The following RFX3 variants were observed in gnomAD, a reference collection of about 807,000 sequenced individuals.
The protein encoded by RFX3 is regulatory factor X3, also known as transcription factor RFX3.
In RFX3, 14 loss-of-function variants were observed where a neutral mutation model predicts 98.6. That is an observed-to-expected ratio of 0.14 (90% CI 0.09 to 0.22). The LOEUF is 0.22. Ranked by LOEUF, RFX3 falls within the 10% of genes least tolerant of loss-of-function variation. The probability of loss-of-function intolerance (pLI) is 1.00; values close to 1 mark genes in which losing one functional copy is unlikely to be tolerated. For missense variants in RFX3, 639 were observed against 926.9 expected (o/e 0.69, Z 4.03); for synonymous variants, 383 against 328.4 (o/e 1.17, Z -1.80).
chr9:3,334,085 C>A (rs1227327361), intron 3 of RFX3, among the ~76,000 whole-genome samples: 1 of 151,986 alleles, frequency 6.6e-6, no homozygotes. Context: ...ATATTCTCAA[C>A]CATTATGTCA....
At chr9:3,233,048 A>C (rs1478136972) in intron 15 of RFX3, among the ~76,000 whole-genome samples, 1 of 152,232 alleles carries the variant, frequency 6.6e-6, no homozygotes, top group Non-Finnish European at 1.5e-5. Context: ...CTATTGTTTG[A>C]GAGAAGAAAT....
intron 1 of RFX3, among the ~76,000 whole-genome samples, chr9:3,423,457 A>G (rs1587620031): frequency 6.6e-6 from 1 of 152,212 alleles, no homozygotes; most frequent in Admixed American, 6.5e-5. Context: ...AAAAAGAACT[A>G]TTCATATGCT....
At chr9:3,469,236 T>C (rs1186431550) in intron 1 of RFX3, 2 of 453,542 alleles carry the variant, frequency 4.4e-6, no homozygotes, top group South Asian at 3.1e-5. Context: ...TTGTGTTCAA[T>C]GTAGGAACAC....
At chr9:3,287,626 T>C (rs1432660735) in intron 7 of RFX3, among the ~76,000 whole-genome samples, 5 of 151,962 alleles carry the variant, frequency 3.3e-5, no homozygotes, top group Non-Finnish European at 5.9e-5. Context: ...CATACGTCCA[T>C]CCATCCATCA....
rs1297717092 is a variant in RFX3 at position 3,374,231 on chromosome 9, G to GT, written c.117+21240dup. 2.0e-5 allele frequency among the ~76,000 whole-genome samples: 3 copies of GT among 152,326 alleles called. No homozygotes were observed. The East Asian group carries it at 5.8e-4, about 29-fold the overall frequency. ...ACCCTTGCGCTCTGTTGGTGGGGAT[G>GT]TGAAATGGTATAGCTGTTATGGAAA... On this transcript the variant is annotated intron_variant, in intron 2 of 16. Transcript: ENST00000617270.
At chr9:3,409,521 G>C (rs1207265808) in intron 1 of RFX3, among the ~76,000 whole-genome samples, 1 of 152,122 alleles carries the variant, frequency 6.6e-6, no homozygotes, top group African/African-American at 2.4e-5. Flanking sequence ...AAAAACTTTT[G>C]CAGCTATTCT....
chr9:3,390,888 C>A lies in RFX3; in HGVS notation c.117+4584G>T, dbSNP rs536282011. Reference sequence around the variant, plus strand: ...TTACTAGCATGAAAATGGACTAATACACTCATCATTCTAGTATATTAGGTT... The same window carrying A: ...TTACTAGCATGAAAATGGACTAATAAACTCATCATTCTAGTATATTAGGTT... On this transcript the variant is annotated intron_variant, in intron 2 of 16. Transcript: ENST00000617270. Among the ~76,000 whole-genome samples, 17 of 152,248 alleles carry A rather than the reference C, an allele frequency of 1.1e-4. No individual in the cohort carries two copies. The South Asian group carries it at 2.5e-3, about 22-fold the overall frequency.
intron 3 of RFX3, among the ~76,000 whole-genome samples, chr9:3,340,199 T>C (rs1385971380): frequency 1.3e-5 from 2 of 152,182 alleles, no homozygotes; most frequent in African/African-American, 4.8e-5. Context: ...CGGCTAGCCA[T>C]ATGTAGAAAG....
intron 1 of RFX3, among the ~76,000 whole-genome samples, chr9:3,436,567 T>G (rs1340567273): frequency 9.9e-5 from 15 of 152,122 alleles, no homozygotes; most frequent in Non-Finnish European, 2.1e-4. Flanking sequence ...AGCAAAACAT[T>G]TGTCATCAAT....
intron 1 of RFX3, among the ~76,000 whole-genome samples, chr9:3,484,901 T>C (rs896710102): frequency 4.7e-5 from 7 of 147,670 alleles, no homozygotes; most frequent in African/African-American, 1.3e-4. Context: ...CTGAGCAACA[T>C]AGGGAGACAC....
At chr9:3,428,312 G>C (rs1474138936) in intron 1 of RFX3, among the ~76,000 whole-genome samples, 1 of 151,918 alleles carries the variant, frequency 6.6e-6, no homozygotes, top group Non-Finnish European at 1.5e-5. Context: ...TAATTTATCA[G>C]CTTGAGTTGA....
chr9:3,261,820 T>C (rs1054211684), intron 13 of RFX3, among the ~76,000 whole-genome samples: 1 of 152,168 alleles, frequency 6.6e-6, no homozygotes, highest in African/African-American at 2.4e-5. Flanking sequence ...TGTTATTATA[T>C]GTCTTTTTGC....
At chr9:3,346,968 T>C (rs1247000511) in intron 2 of RFX3, among the ~76,000 whole-genome samples, 1 of 152,232 alleles carries the variant, frequency 6.6e-6, no homozygotes, top group East Asian at 1.9e-4. Flanking sequence ...GAATAAATTC[T>C]GTAACTTCCC....
chr9:3,374,370 T>C (rs1838212999), intron 2 of RFX3, among the ~76,000 whole-genome samples: 1 of 152,174 alleles, frequency 6.6e-6, no homozygotes, highest in East Asian at 1.9e-4. Flanking sequence ...GAGATATTTG[T>C]ACAGCCCATT....
chr9:3,237,969 T>C (rs1166235000), intron 15 of RFX3, among the ~76,000 whole-genome samples: 1 of 139,512 alleles, frequency 7.2e-6, no homozygotes, highest in African/African-American at 2.8e-5. Flanking sequence ...CAAGACCCTG[T>C]CTCAAAAAAA....
At chr9:3,248,411 T>C (rs955972988) in intron 14 of RFX3, among the ~76,000 whole-genome samples, 1 of 152,168 alleles carries the variant, frequency 6.6e-6, no homozygotes, top group Non-Finnish European at 1.5e-5. Context: ...AGATAGATAG[T>C]CTTAATGGAA....
intron 13 of RFX3, among the ~76,000 whole-genome samples, chr9:3,260,392 T>C (rs1212355069): frequency 6.6e-6 from 1 of 152,016 alleles, no homozygotes; most frequent in Non-Finnish European, 1.5e-5. Flanking sequence ...GGTTAATGCT[T>C]ATAACCAGGG....
In RFX3 at chr9:3,473,681, C is replaced by T. The variant is rs147031763; in HGVS notation, c.-9+52066G>A. On this transcript the variant is annotated intron_variant, in intron 1 of 16. Transcript: ENST00000617270. ...TGCCCCTCAACACTTCTGCTCCCAA[C>T]TGCTGAGCTGTATATTCACTCAGAA... Among the ~76,000 whole-genome samples, 797 of 152,304 alleles carry T rather than the reference C, an allele frequency of 5.2e-3. 10 individuals carry two copies. Among genetic ancestry groups the T allele is most frequent in the East Asian group, 0.033 (171 of 5,190 alleles).
intron 4 of RFX3, among the ~76,000 whole-genome samples, chr9:3,315,323 A>T (rs538561547): frequency 4.6e-5 from 7 of 152,346 alleles, no homozygotes; most frequent in Middle Eastern, 3.4e-3. Flanking sequence ...CTTTGAAACC[A>T]ATGAGAACAA....
Sources: allele counts gnomAD v4.1 joint callset (sites outside exome capture counted in the v4.1 genomes callset), GRCh38; gene constraint gnomAD v4.1.1; transcripts MANE v1.5; gene names NCBI Gene and HGNC (gene_info 2026-07-23, HGNC 2026-07-21).